HECTD4: variants seen among roughly 807,000 people sequenced by gnomAD.
The protein encoded by HECTD4 is HECT domain E3 ubiquitin protein ligase 4.
A neutral mutation model predicts 471.5 loss-of-function variants in HECTD4; 114 were observed. The observed-to-expected ratio is 0.24, with a 90% CI of 0.21 to 0.28. HECTD4 has a LOEUF of 0.28. Among genes scored for constraint, HECTD4 ranks in the 10% least tolerant of loss-of-function variants. The probability of loss-of-function intolerance (pLI) is 1.00; values close to 1 mark genes in which losing one functional copy is unlikely to be tolerated. For synonymous variants in HECTD4, 2,012 were observed against 2,256.0 expected (o/e 0.89, Z 3.07); for missense variants, 3,866 against 5,651.5 (o/e 0.68, Z 10.13).
At chr12:112,218,205 T>G (rs2032983226) in intron 45 of HECTD4, among the ~76,000 whole-genome samples, 2 of 151,696 alleles carry the variant, frequency 1.3e-5, no homozygotes, top group African/African-American at 4.8e-5. Flanking sequence ...CCATTTGAAG[T>G]GTATAAGTCA....
At chr12:112,302,088 G>T in intron 7 of HECTD4, 1 of 1,374,560 alleles carries the variant, frequency 7.3e-7, no homozygotes, top group East Asian at 2.3e-5. Context: ...GTCTTCCTGT[G>T]GACTAGACGG....
chr12:112,316,294 T>C (rs1343415518), intron 2 of HECTD4, among the ~76,000 whole-genome samples: 1 of 152,178 alleles, frequency 6.6e-6, no homozygotes, highest in African/African-American at 2.4e-5. Flanking sequence ...GTGTCATCTC[T>C]TCAGTAAGGC....
At chr12:112,211,739 G>C (rs1043210517) in intron 49 of HECTD4, among the ~76,000 whole-genome samples, 1 of 152,138 alleles carries the variant, frequency 6.6e-6, no homozygotes, top group Non-Finnish European at 1.5e-5. Context: ...GAAAAAAGAG[G>C]AGTCAAGGAG....
chr12:112,182,155 G>A (rs2031696717), intron 62 of HECTD4, among the ~76,000 whole-genome samples: 1 of 151,556 alleles, frequency 6.6e-6, no homozygotes, highest in African/African-American at 2.4e-5. Context: ...ACTCTAAGAT[G>A]AAATTTCAAA....
chr12:112,366,415 G>C (rs770212641), intron 1 of HECTD4, among the ~76,000 whole-genome samples: 1 of 152,020 alleles, frequency 6.6e-6, no homozygotes, highest in Non-Finnish European at 1.5e-5. Context: ...AGCTACTTGG[G>C]AAGCTGAGAT....
intron 40 of HECTD4, 23 bp downstream of exon 40, chr12:112,230,664 T>G: frequency 6.3e-7 from 1 of 1,592,004 alleles, no homozygotes; most frequent in Non-Finnish European, 8.6e-7. Flanking sequence ...ATTTTCTCAG[T>G]TGAGTAGCAA....
chr12:112,171,965 G>A (rs1193598936), intron 67 of HECTD4, among the ~76,000 whole-genome samples: 6 of 152,272 alleles, frequency 3.9e-5, no homozygotes, highest in East Asian at 3.9e-4. Flanking sequence ...GTGCAATGGC[G>A]TGACCTTGGT....
Position 112,163,998 on chromosome 12 carries a change from G to C in HECTD4, c.12701+111C>G. ...CTCCCTCTCCTGGTGAAATCCACCT[G>C]TCACCTGACCTAGGTCCTCGTGTCA... On this transcript the variant is annotated intron_variant, in intron 73 of 75. Transcript: ENST00000682272. This position sits in a 1 kb window ranked among gnomAD's most constrained non-coding sequence, Gnocchi z 8.2. 8.5e-7 allele frequency: 1 copy of C among 1,178,776 alleles called. No homozygotes were observed. Among genetic ancestry groups the C allele is most frequent in the Non-Finnish European group, 1.1e-6 (1 of 893,994 alleles). The allele number at this position is 1,178,776 out of a possible 1,614,324, so 73.0% of individuals were successfully genotyped here.
At chr12:112,244,349 A>G (rs1422462582) in intron 29 of HECTD4, among the ~76,000 whole-genome samples, 1 of 152,134 alleles carries the variant, frequency 6.6e-6, no homozygotes, top group East Asian at 1.9e-4. Flanking sequence ...CGAAAATCAC[A>G]AATTTCTTTT....
At chr12:112,363,997 A>AG (rs1488160356) in intron 1 of HECTD4, among the ~76,000 whole-genome samples, 1 of 148,448 alleles carries the variant, frequency 6.7e-6, no homozygotes, top group Non-Finnish European at 1.5e-5. Flanking sequence ...ATCTCCAAAA[A>AG]AAAAAAAAAA....
intron 69 of HECTD4, 126 bp downstream of exon 69, chr12:112,170,207 C>T (rs2137005370): frequency 1.5e-6 from 2 of 1,338,760 alleles, no homozygotes; most frequent in South Asian, 2.8e-5. Context: ...CACCAGGGCG[C>T]TCCAGCAGAA....
Position 112,381,120 on chromosome 12 carries a change from C to CA in HECTD4, c.177+831dup, listed in dbSNP as rs2036878953. The stretch of plus-strand genomic sequence containing the variant: ...CACTGCCAGTATTCCCACCTCTAGG[C>CA]AAACACGAACCCAAGTGAAGTCGAT... On this transcript the variant is annotated intron_variant, in intron 1 of 75. Coordinates refer to ENST00000682272, the MANE Select transcript of HECTD4 (RefSeq NM_001388303.1). This position sits in a 1 kb window ranked among gnomAD's most constrained non-coding sequence, Gnocchi z 4.1. Among the ~76,000 whole-genome samples the CA allele has an allele frequency of 6.6e-6, 1 of 152,186 alleles. No homozygotes were observed. Among genetic ancestry groups the CA allele is most frequent in the Non-Finnish European group, 1.5e-5 (1 of 68,034 alleles).
At chr12:112,378,814 C>T (rs920900276) in intron 1 of HECTD4, among the ~76,000 whole-genome samples, 2 of 152,022 alleles carry the variant, frequency 1.3e-5, no homozygotes, top group Non-Finnish European at 2.9e-5. Flanking sequence ...GAGGCCGAGG[C>T]GGGAGGATCA....
chr12:112,249,353 CAA>C (rs766001113), intron 25 of HECTD4, among the ~76,000 whole-genome samples: 38 of 90,380 alleles, frequency 4.2e-4, no homozygotes, highest in Admixed American at 4.8e-4. Context: ...GACTCCCTCT[CAA>C]AAAAAAAAAA....
intron 1 of HECTD4, among the ~76,000 whole-genome samples, chr12:112,351,229 G>T (rs59345685): frequency 2.6e-5 from 4 of 152,158 alleles, no homozygotes; most frequent in African/African-American, 9.7e-5. Flanking sequence ...CAAATCTCTT[G>T]CTTCCAAATA....
At chr12:112,265,569 C>T (rs1010895666) in intron 15 of HECTD4, among the ~76,000 whole-genome samples, 2 of 152,156 alleles carry the variant, frequency 1.3e-5, no homozygotes, top group Admixed American at 6.5e-5. Flanking sequence ...CATACTCAGC[C>T]TTTCTCATAA....
chr12:112,375,052 C>T (rs1306528670), intron 1 of HECTD4, among the ~76,000 whole-genome samples: 1 of 152,030 alleles, frequency 6.6e-6, no homozygotes, highest in Non-Finnish European at 1.5e-5. Flanking sequence ...TCTTCATGCT[C>T]CTTTATACTC....
chr12:112,210,651 TCTTC>T (rs2032735682), intron 49 of HECTD4, among the ~76,000 whole-genome samples: 1 of 152,252 alleles, frequency 6.6e-6, no homozygotes, highest in East Asian at 1.9e-4. Context: ...AAGCAGCACT[TCTTC>T]AGATTAAGAG....
At chr12:112,168,129 G>C (rs746089950) in intron 70 of HECTD4, among the ~76,000 whole-genome samples, 1 of 152,230 alleles carries the variant, frequency 6.6e-6, no homozygotes, top group African/African-American at 2.4e-5. Context: ...ATACCACGGA[G>C]GGCAAGATGT....
Sources: gnomAD v4.1 joint callset for allele counts (sites outside exome capture counted in the v4.1 genomes callset) on GRCh38, gnomAD v4.1.1 for gene constraint, Gnocchi (gnomAD v3.1) non-coding constraint, MANE v1.5 for transcripts, NCBI Gene and HGNC (gene_info 2026-07-23, HGNC 2026-07-21) for gene names.